The following STX7 variants were observed in gnomAD, a reference collection of about 807,000 sequenced individuals.
STX7 encodes the protein syntaxin 7.
In STX7, 34 loss-of-function variants were observed where a neutral mutation model predicts 39.6. That is an observed-to-expected ratio of 0.86 (90% CI 0.65 to 1.14). The LOEUF (loss-of-function observed/expected upper bound fraction) is 1.14, where lower values mean the gene tolerates loss of function less well. Ranked by LOEUF, STX7 falls within the 50% of genes most tolerant of loss-of-function variation. The pLI, the probability that STX7 is intolerant of heterozygous loss-of-function variation, is 0.00. For missense variants in STX7, 284 were observed against 310.4 expected (o/e 0.92, Z 0.64); for synonymous variants, 119 against 99.1 (o/e 1.20, Z -1.19).
rs1413877052 is a variant in STX7 at position 132,470,146 on chromosome 6, T to C, written c.441-99A>G. 12 of 851,724 alleles carry C rather than the reference T, an allele frequency of 1.4e-5. 1 individual carries two copies. The South Asian group carries it at 2.5e-4, about 18-fold the overall frequency. 52.8% of individuals were successfully genotyped at this position (851,724 alleles called of 1,614,324 possible). ...GATATATTCATTAAATAGGATATTT[T>C]ATTCTCCAAAGTCACAGAACTACTC... On this transcript the variant is annotated intron_variant, in intron 6 of 9. Transcript: ENST00000367941.
chr6:132,502,854 G>A (rs372069365), intron 2 of STX7, among the ~76,000 whole-genome samples: 212 of 151,994 alleles, frequency 1.4e-3, no homozygotes, highest in African/African-American at 5.0e-3. Flanking sequence ...AGCCAAGATC[G>A]TACCACTGCA....
At chr6:132,462,463 A>C (rs1314147468) in intron 9 of STX7, among the ~76,000 whole-genome samples, 2 of 152,136 alleles carry the variant, frequency 1.3e-5, no homozygotes, top group South Asian at 2.1e-4. Context: ...CAGAATATCC[A>C]CATTTCCCCC....
chr6:132,452,056 ATC>A lies in STX7; in HGVS notation c.*8700_*8701del, dbSNP rs954404183. 22 of 152,340 alleles carry A rather than the reference ATC, an allele frequency of 1.4e-4. No individual in the cohort carries two copies. The highest frequency in any genetic ancestry group is 5.0e-4 in the African/African-American group (21 of 41,588). 9.4% of individuals were successfully genotyped at this position (152,340 alleles called of 1,614,324 possible). A position where few individuals can be genotyped will look rare whatever the true frequency, so the allele number is the denominator to read the frequency against. On this transcript the variant is annotated 3_prime_UTR_variant, in exon 10 of 10. Transcript: ENST00000367941. ...GATACACCACGACCAAGTGGAGTTT[ATC>A]TCAGGGATGTAACAATGGCTCAACA...
intron 2 of STX7, among the ~76,000 whole-genome samples, chr6:132,488,255 T>C (rs1403377029): frequency 6.6e-6 from 1 of 152,228 alleles, no homozygotes; most frequent in Non-Finnish European, 1.5e-5. Flanking sequence ...TTATCTTGTA[T>C]GACTTGAATC....
intron 2 of STX7, among the ~76,000 whole-genome samples, chr6:132,501,377 C>T (rs964100303): frequency 6.6e-6 from 1 of 152,146 alleles, no homozygotes; most frequent in African/African-American, 2.4e-5. Flanking sequence ...TTCTTAACAG[C>T]TCTTCACATA....
chr6:132,474,552 A>G (rs1041566868), intron 3 of STX7, among the ~76,000 whole-genome samples: 1 of 152,118 alleles, frequency 6.6e-6, no homozygotes, highest in Non-Finnish European at 1.5e-5. Context: ...GTTGTTTAGA[A>G]GTATTGCTTA....
chr6:132,471,989 C>T (rs747616248), intron 4 of STX7, among the ~76,000 whole-genome samples: 13 of 152,282 alleles, frequency 8.5e-5, no homozygotes, highest in South Asian at 6.2e-4. Context: ...GCATGTTCCA[C>T]GCAGTCAGCC....
chr6:132,497,586 T>TA (rs1775448267), intron 2 of STX7, among the ~76,000 whole-genome samples: 1 of 152,242 alleles, frequency 6.6e-6, no homozygotes, highest in Non-Finnish European at 1.5e-5. Context: ...TGTGTTTACT[T>TA]ATGTGATGTA....
At position 132,460,601 on chromosome 6, in the gene STX7, T is replaced by C. The variant is rs949018316; in HGVS notation, c.*157A>G. 43 of 503,074 alleles carry C rather than the reference T, an allele frequency of 8.5e-5. No homozygotes were observed. In the Admixed American group the frequency reaches 1.3e-3, roughly 16 times the overall value. 31.2% of individuals were successfully genotyped at this position (503,074 alleles called of 1,614,324 possible). ...CAGTATTAGAAAATATCAGATTTAATCCAAAGGAACCACCCCAACCCCCCC... is the reference window on the plus strand; with the variant it reads ...CAGTATTAGAAAATATCAGATTTAACCCAAAGGAACCACCCCAACCCCCCC... On this transcript the variant is annotated 3_prime_UTR_variant, in exon 10 of 10. Coordinates refer to ENST00000367941, the MANE Select transcript of STX7 (RefSeq NM_003569.3).
At chr6:132,502,602 T>C (rs1045023921) in intron 2 of STX7, among the ~76,000 whole-genome samples, 2 of 149,722 alleles carry the variant, frequency 1.3e-5, no homozygotes, top group Admixed American at 1.4e-4. Flanking sequence ...CTGACAAGTA[T>C]AGCAAAGAAT....
At chr6:132,487,557 T>C (rs796520171) in intron 2 of STX7, among the ~76,000 whole-genome samples, 64 of 152,064 alleles carry the variant, frequency 4.2e-4, no homozygotes, top group African/African-American at 1.5e-3. Context: ...GATGGGTTAG[T>C]AGGTGCAGCA....
chr6:132,491,285 A>C (rs1436914773), intron 2 of STX7, among the ~76,000 whole-genome samples: 1 of 151,502 alleles, frequency 6.6e-6, no homozygotes, highest in Admixed American at 6.6e-5. Flanking sequence ...AAAAAAAAAA[A>C]CTCAATGAAG....
chr6:132,460,756 C>A lies in STX7; in HGVS notation c.*2G>T. The A allele has an allele frequency of 6.2e-7, 1 of 1,607,166 alleles. No individual in the cohort carries two copies. Among genetic ancestry groups the A allele is most frequent in the Non-Finnish European group, 8.5e-7 (1 of 1,174,590 alleles). ...AGTGCGACAGTGTGCTCCTTTATAA[C>A]TTCAGTGGTTCAATCCCCATATGAT... is the stretch of plus-strand genomic sequence containing the variant. On this transcript the variant is annotated 3_prime_UTR_variant, in exon 10 of 10. Transcript: ENST00000367941.
intron 9 of STX7, among the ~76,000 whole-genome samples, chr6:132,461,061 C>T (rs1359596141): frequency 6.6e-6 from 1 of 152,062 alleles, no homozygotes; most frequent in Non-Finnish European, 1.5e-5. Context: ...TGAACTAATG[C>T]TACAATTAAG....
chr6:132,494,731 A>G (rs994051376), intron 2 of STX7, among the ~76,000 whole-genome samples: 2 of 152,182 alleles, frequency 1.3e-5, no homozygotes, highest in Admixed American at 1.3e-4. Flanking sequence ...TCAGATCTTG[A>G]GGATATTGTG....
At chr6:132,495,475 CA>C (rs1423973509) in intron 2 of STX7, among the ~76,000 whole-genome samples, 4 of 152,204 alleles carry the variant, frequency 2.6e-5, no homozygotes, top group Middle Eastern at 3.4e-3. Flanking sequence ...AGGAGGGAAG[CA>C]ACAATTTTTC....
Position 132,475,574 on chromosome 6 carries a change from T to C in STX7, c.155+19A>G. 3 of 1,552,986 alleles carry C rather than the reference T, an allele frequency of 1.9e-6. No individual in the cohort carries two copies. The highest frequency in any genetic ancestry group is 2.6e-6 in the Non-Finnish European group (3 of 1,139,832). On this transcript the variant is annotated intron_variant, in intron 3 of 9. Coordinates refer to ENST00000367941, the MANE Select transcript of STX7 (RefSeq NM_003569.3). ...TAGAGTTTTTTCTTTCTCTTTTATT[T>C]ATTTAACTAGATACTTACAACTGTT...
At chr6:132,511,200 G>A (rs1333781691) in intron 1 of STX7, among the ~76,000 whole-genome samples, 1 of 152,196 alleles carries the variant, frequency 6.6e-6, no homozygotes, top group Non-Finnish European at 1.5e-5. Flanking sequence ...CACCCAGCGT[G>A]AGGGTAAATA....
At chr6:132,464,101 A>G (rs1350165896) in intron 8 of STX7, 26 bp from the exon 9 acceptor site, 2 of 1,561,770 alleles carry the variant, frequency 1.3e-6, no homozygotes, top group Non-Finnish European at 1.8e-6. Flanking sequence ...CACACACACA[A>G]ATGTGTTAAA....
Sources: gnomAD v4.1 joint callset for allele counts (sites outside exome capture counted in the v4.1 genomes callset) on GRCh38, gnomAD v4.1.1 for gene constraint, MANE v1.5 for transcripts, NCBI Gene and HGNC (gene_info 2026-07-23, HGNC 2026-07-21) for gene names.